The following ARMC9 variants were observed in gnomAD, a reference collection of about 807,000 sequenced individuals.
The protein encoded by ARMC9 is armadillo repeat containing 9, also known as lisH domain-containing protein ARMC9.
Under a neutral mutation model 107.0 loss-of-function variants are expected in ARMC9, and 94 were observed. The ratio of observed to expected loss-of-function variants is 0.88; its 90% CI spans 0.74 to 1.04. The LOEUF (loss-of-function observed/expected upper bound fraction) is 1.04. Among genes scored for constraint, ARMC9 ranks in the 50% least tolerant of loss-of-function variants. The pLI is 0.00. For synonymous variants in ARMC9, 380 were observed against 396.9 expected (o/e 0.96, Z 0.51); for missense variants, 942 against 1,030.1 (o/e 0.91, Z 1.17).
intron 19 of ARMC9, among the ~76,000 whole-genome samples, chr2:231,318,210 C>T (rs942434282): frequency 3.3e-5 from 5 of 152,068 alleles, no homozygotes; most frequent in African/African-American, 1.2e-4. Flanking sequence ...TGTGTCTCCC[C>T]TGTAGAAGGC....
intron 17 of ARMC9, among the ~76,000 whole-genome samples, chr2:231,284,178 A>G (rs969769744): frequency 2.0e-5 from 3 of 152,220 alleles, no homozygotes; most frequent in African/African-American, 7.2e-5. Flanking sequence ...CCACCTTGTT[A>G]CAGTTGCCTA....
chr2:231,291,583 C>T lies in ARMC9; in HGVS notation c.1717+140C>T, dbSNP rs781125004. On this transcript the variant is annotated intron_variant, in intron 18 of 24. Transcript: ENST00000611582. ...TTATAATCCCAGCACTTTGGGAGGC[C>T]GAGGTGGGTGGATCACGAGGTCAGG... The T allele has an allele frequency of 9.8e-4, 706 of 721,586 alleles. 4 individuals carry two copies. The highest frequency in any genetic ancestry group is 2.7e-3 in the Middle Eastern group (8 of 2,916). The allele number at this position is 721,586 out of a possible 1,614,324, so 44.7% of individuals were successfully genotyped here.
chr2:231,325,131 G>A (rs1414568418), intron 19 of ARMC9, among the ~76,000 whole-genome samples: 1 of 152,202 alleles, frequency 6.6e-6, no homozygotes, highest in Non-Finnish European at 1.5e-5. Context: ...GGCTGAGGTA[G>A]GAGGATCACT....
At chr2:231,275,541 C>T (rs568485246) in intron 14 of ARMC9, among the ~76,000 whole-genome samples, 1 of 152,346 alleles carries the variant, frequency 6.6e-6, no homozygotes, top group East Asian at 1.9e-4. Context: ...TTAAACTACC[C>T]TTACTCTATA....
intron 18 of ARMC9, among the ~76,000 whole-genome samples, chr2:231,292,230 TCTCTTATCGTA>T (rs1574974039): frequency 6.7e-6 from 1 of 148,680 alleles, no homozygotes; most frequent in East Asian, 2.0e-4. Flanking sequence ...AGATTAACAA[TCTCTTATCGTA>T]CTCTAGGCAT....
intron 7 of ARMC9, among the ~76,000 whole-genome samples, chr2:231,232,881 C>T (rs1490397839): frequency 6.6e-6 from 1 of 151,846 alleles, no homozygotes. Context: ...GACAGAGTCT[C>T]ACTCTGTCAC....
chr2:231,363,931 G>A (rs1005292620), intron 23 of ARMC9, among the ~76,000 whole-genome samples: 2 of 149,730 alleles, frequency 1.3e-5, no homozygotes, highest in African/African-American at 4.9e-5. Context: ...TACAATCATG[G>A]TGCCTTCCCC....
chr2:231,208,102 G>A (rs1178231385), intron 2 of ARMC9, 25 bp from the exon 3 acceptor site: 1 of 1,028,326 alleles, frequency 9.7e-7, no homozygotes, highest in Non-Finnish European at 1.5e-6. Context: ...TTTTGCTGTT[G>A]AATTGAATTA....
intron 8 of ARMC9, 90 bp downstream of exon 8, chr2:231,235,471 G>C (rs1574715979): frequency 1.4e-6 from 2 of 1,458,328 alleles, no homozygotes; most frequent in Non-Finnish European, 1.8e-6. Flanking sequence ...GGTGGAGCCT[G>C]CCTCTCTCCA....
chr2:231,287,315 TC>T (rs1269385283), intron 17 of ARMC9, among the ~76,000 whole-genome samples: 1 of 152,196 alleles, frequency 6.6e-6, no homozygotes, highest in Non-Finnish European at 1.5e-5. Context: ...ATTGCCCACT[TC>T]TGAATCAAAG....
At chr2:231,264,717 G>A (rs1458471325) in intron 12 of ARMC9, among the ~76,000 whole-genome samples, 2 of 151,080 alleles carry the variant, frequency 1.3e-5, no homozygotes, top group Non-Finnish European at 3.0e-5. Flanking sequence ...GGCTGGTCTC[G>A]AACTCCTGAC....
intron 8 of ARMC9, among the ~76,000 whole-genome samples, chr2:231,239,109 T>G (rs1362531770): frequency 3.3e-5 from 5 of 151,994 alleles, no homozygotes; most frequent in Non-Finnish European, 7.4e-5. Flanking sequence ...TGTGGAAGGG[T>G]GTACACTTTT....
intron 12 of ARMC9, among the ~76,000 whole-genome samples, chr2:231,265,318 T>C (rs947629232): frequency 3.9e-5 from 6 of 152,170 alleles, no homozygotes; most frequent in African/African-American, 1.2e-4. Context: ...GTTTTCAGTT[T>C]GCAGTTACAA....
chr2:231,335,327 G>A (rs1250636541), intron 20 of ARMC9, among the ~76,000 whole-genome samples: 1 of 152,202 alleles, frequency 6.6e-6, no homozygotes, highest in African/African-American at 2.4e-5. Context: ...CAATCATGGT[G>A]CACGCCAGTA....
intron 9 of ARMC9, 195 bp from the exon 10 acceptor site, chr2:231,256,391 T>G: frequency 1.6e-6 from 2 of 1,245,980 alleles, no homozygotes; most frequent in South Asian, 2.6e-5. Context: ...CCTTTTTTTT[T>G]GTCCGCCACA....
At chr2:231,370,186 G>A in intron 24 of ARMC9, 61 bp downstream of exon 24, 1 of 1,443,140 alleles carries the variant, frequency 6.9e-7, no homozygotes, top group Non-Finnish European at 9.1e-7. Context: ...TGCAGGGAAG[G>A]GCATTTTGCT....
intron 23 of ARMC9, among the ~76,000 whole-genome samples, chr2:231,361,302 A>T (rs1055273862): frequency 6.6e-6 from 1 of 152,070 alleles, no homozygotes; most frequent in Non-Finnish European, 1.5e-5. Context: ...TTCCTGAAAC[A>T]GAAACTGGGC....
chr2:231,338,439 G>A (rs557493841), intron 20 of ARMC9, among the ~76,000 whole-genome samples: 1 of 151,744 alleles, frequency 6.6e-6, no homozygotes, highest in African/African-American at 2.4e-5. Flanking sequence ...GTTGGCCAGG[G>A]TGGTCTCGAA....
intron 20 of ARMC9, among the ~76,000 whole-genome samples, chr2:231,340,859 G>T (rs1301697151): frequency 6.6e-6 from 1 of 152,030 alleles, no homozygotes; most frequent in African/African-American, 2.4e-5. Context: ...CTGTACTGCC[G>T]CCTGGGCAAC....
Sources: allele counts gnomAD v4.1 joint callset (sites outside exome capture counted in the v4.1 genomes callset), GRCh38; gene constraint gnomAD v4.1.1; transcripts MANE v1.5; gene names NCBI Gene and HGNC (gene_info 2026-07-23, HGNC 2026-07-21).